CREB5: variants seen among roughly 807,000 people sequenced by gnomAD.
CREB5 encodes the protein cyclic AMP-responsive element-binding protein 5.
CREB5 carries 19 observed loss-of-function variants against 57.1 expected under a neutral mutation model. The observed-to-expected ratio is 0.33, with a 90% CI of 0.23 to 0.49. The LOEUF is 0.49. CREB5 is among the 20% of genes least tolerant of loss of function. The probability of loss-of-function intolerance (pLI) is 0.99; values close to 1 mark genes in which losing one functional copy is unlikely to be tolerated. For synonymous variants in CREB5, 238 were observed against 238.3 expected, an observed-to-expected ratio of 1.00 and a Z score of 0.01; for missense variants, 579 against 671.6, an observed-to-expected ratio of 0.86 and a Z score of 1.52.
intron 7 of CREB5, among the ~76,000 whole-genome samples, chr7:28,787,218 G>C (rs547484389): frequency 1.3e-3 from 198 of 152,296 alleles, no homozygotes; most frequent in African/African-American, 4.6e-3. Flanking sequence ...TGTCTCTGTG[G>C]CTCCTGAAAA....
intron 1 of CREB5, among the ~76,000 whole-genome samples, chr7:28,447,447 T>A (rs1191711597): frequency 6.6e-6 from 1 of 152,206 alleles, no homozygotes; most frequent in Non-Finnish European, 1.5e-5. Flanking sequence ...TGACGGAATT[T>A]GGACCAACTC....
chr7:28,650,131 A>G (rs1187751493), intron 5 of CREB5, among the ~76,000 whole-genome samples: 1 of 152,230 alleles, frequency 6.6e-6, no homozygotes, highest in African/African-American at 2.4e-5. Context: ...CTTCATACTG[A>G]AAACACATAA....
intron 4 of CREB5, among the ~76,000 whole-genome samples, chr7:28,533,447 C>T (rs777150587): frequency 6.6e-6 from 1 of 152,240 alleles, no homozygotes; most frequent in African/African-American, 2.4e-5. Flanking sequence ...CGCACAGTTG[C>T]TGTCCTTTCC....
intron 1 of CREB5, among the ~76,000 whole-genome samples, chr7:28,381,620 C>T (rs1309337297): frequency 6.6e-6 from 1 of 152,224 alleles, no homozygotes; most frequent in Non-Finnish European, 1.5e-5. Context: ...ACACATTCCT[C>T]TGCCCTCATT....
intron 5 of CREB5, among the ~76,000 whole-genome samples, chr7:28,703,446 A>G (rs376057140): frequency 1.1e-3 from 171 of 152,316 alleles, no homozygotes; most frequent in African/African-American, 3.9e-3. Flanking sequence ...AGGGTTCTCC[A>G]GAAAAACAGA....
At chr7:28,554,329 T>C (rs1562792972) in intron 4 of CREB5, among the ~76,000 whole-genome samples, 1 of 152,204 alleles carries the variant, frequency 6.6e-6, no homozygotes, top group Non-Finnish European at 1.5e-5. Flanking sequence ...ATATTTCAAC[T>C]CTGAAGTTCT....
At chr7:28,674,876 A>G (rs1800242169) in intron 5 of CREB5, among the ~76,000 whole-genome samples, 1 of 152,206 alleles carries the variant, frequency 6.6e-6, no homozygotes, top group Non-Finnish European at 1.5e-5. Flanking sequence ...TTTCTCACCA[A>G]TTAAAATAGA....
intron 1 of CREB5, among the ~76,000 whole-genome samples, chr7:28,375,644 T>C (rs1375608509): frequency 6.6e-6 from 1 of 151,578 alleles, no homozygotes; most frequent in Non-Finnish European, 1.5e-5. Context: ...GAAAATAGTT[T>C]AAGTTTTGAG....
At chr7:28,813,124 AGGGAAAT>A (rs1809226177) in intron 9 of CREB5, among the ~76,000 whole-genome samples, 2 of 152,252 alleles carry the variant, frequency 1.3e-5, no homozygotes, top group Non-Finnish European at 2.9e-5. Context: ...AACTGAGGTT[AGGGAAAT>A]GGGGGGTCTT....
intron 5 of CREB5, among the ~76,000 whole-genome samples, chr7:28,634,454 T>A (rs1798329832): frequency 6.6e-6 from 1 of 152,216 alleles, no homozygotes; most frequent in South Asian, 2.1e-4. Flanking sequence ...GAAATTCTTT[T>A]TTAAAAAATT....
Position 28,611,489 on chromosome 7 carries a change from T to TAAAAAAAAAAAA in CREB5, c.464+40968_464+40979dup, listed in dbSNP as rs59192497. On this transcript the variant is annotated intron_variant, in intron 5 of 10. Coordinates refer to ENST00000357727, the MANE Select transcript of CREB5 (RefSeq NM_182898.4). ...CAACATGGTGAAACCCCATCTCTAC[T>TAAAAAAAAAAAA]AAAAAAAAAAAAAAAAAAAAAAAAA... Among the ~76,000 whole-genome samples the TAAAAAAAAAAAA allele has an allele frequency of 1.0e-4, 5 of 47,980 alleles. 1 individual carries two copies. The highest frequency in any genetic ancestry group is 4.6e-4 in the African/African-American group (5 of 10,810). The allele number at this position is 47,980 out of a possible 152,430, so 31.5% of individuals were successfully genotyped here. A position where few individuals can be genotyped will look rare whatever the true frequency, so the allele number is the denominator to read the frequency against.
intron 1 of CREB5, among the ~76,000 whole-genome samples, chr7:28,394,003 CAA>C (rs2127998336): frequency 7.5e-6 from 1 of 134,052 alleles, no homozygotes; most frequent in East Asian, 2.3e-4. Context: ...TGAACCTGGT[CAA>C]GGCTGCAGTG....
At chr7:28,737,539 G>GTATATA (rs59294932) in intron 7 of CREB5, among the ~76,000 whole-genome samples, 11 of 26,668 alleles carry the variant, frequency 4.1e-4, no homozygotes, top group South Asian at 2.6e-3. Flanking sequence ...ATATATATAC[G>GTATATA]TATATATATA....
intron 1 of CREB5, among the ~76,000 whole-genome samples, chr7:28,311,138 C>A (rs200196055): frequency 6.5e-3 from 765 of 117,430 alleles, no homozygotes; most frequent in Non-Finnish European, 7.4e-3. Flanking sequence ...ACTAAAAATA[C>A]AAAAAAAAAA....
chr7:28,719,810 C>T (rs1252629681), intron 6 of CREB5, among the ~76,000 whole-genome samples: 2 of 152,088 alleles, frequency 1.3e-5, no homozygotes, highest in Non-Finnish European at 2.9e-5. Flanking sequence ...GCCTGTAATC[C>T]CAGCACTTTG....
chr7:28,725,638 C>CTT lies in CREB5; in HGVS notation c.702+1312_702+1313dup, dbSNP rs60312425. Among the ~76,000 whole-genome samples, 918 of 122,482 alleles carry CTT rather than the reference C, an allele frequency of 7.5e-3. 7 individuals carry two copies. Among genetic ancestry groups the CTT allele is most frequent in the Middle Eastern group, 0.04 (8 of 198 alleles). 80.4% of individuals were successfully genotyped at this position (122,482 alleles called of 152,430 possible). ...TGGAGACCAAAGTAATGCCATATAT[C>CTT]TTTTTTTAAAAAAAAAAAAAAAAAG... On this transcript the variant is annotated intron_variant, in intron 7 of 10. Transcript: ENST00000357727.
intron 5 of CREB5, among the ~76,000 whole-genome samples, chr7:28,712,577 A>G (rs988451244): frequency 4.8e-5 from 5 of 104,458 alleles, no homozygotes; most frequent in Admixed American, 4.2e-4. Flanking sequence ...TCTGTCACCC[A>G]GGCTGGAATG....
chr7:28,776,090 C>A (rs557269427), intron 7 of CREB5, among the ~76,000 whole-genome samples: 1 of 151,888 alleles, frequency 6.6e-6, no homozygotes, highest in South Asian at 2.1e-4. Context: ...GTAATCTCAG[C>A]GCTTTGGGAG....
At chr7:28,319,520 G>A (rs1462241264) in intron 1 of CREB5, among the ~76,000 whole-genome samples, 1 of 152,012 alleles carries the variant, frequency 6.6e-6, no homozygotes, top group East Asian at 1.9e-4. Context: ...GCTGGACTTC[G>A]GAGTATTTGT....
Sources: gnomAD v4.1 joint callset for allele counts (sites outside exome capture counted in the v4.1 genomes callset) on GRCh38, gnomAD v4.1.1 for gene constraint, MANE v1.5 for transcripts, NCBI Gene and HGNC (gene_info 2026-07-23, HGNC 2026-07-21) for gene names.